Variants in GRM7 observed in about 807,000 individuals in gnomAD.
The protein encoded by GRM7 is glutamate metabotropic receptor 7, also known as metabotropic glutamate receptor 7.
A neutral mutation model predicts 84.5 loss-of-function variants in GRM7; 35 were observed. The observed-to-expected ratio is 0.41, with a 90% CI of 0.32 to 0.55. GRM7 has a LOEUF of 0.55. GRM7 is among the 20% of genes least tolerant of loss of function. The pLI, the probability that GRM7 is intolerant of heterozygous loss-of-function variation, is 0.19. For missense variants in GRM7, 1,003 were observed against 1,194.6 expected, an observed-to-expected ratio of 0.84 and a Z score of 2.36; for synonymous variants, 487 against 455.1, an observed-to-expected ratio of 1.07 and a Z score of -0.89.
chr3:7,209,678 G>A (rs1478728309), intron 2 of GRM7, among the ~76,000 whole-genome samples: 3 of 152,174 alleles, frequency 2.0e-5, no homozygotes, highest in Admixed American at 6.5e-5. Context: ...AAAGGCATAT[G>A]GAAGTCATTG....
At chr3:7,374,219 ATTAG>A (rs1694251559) in intron 4 of GRM7, among the ~76,000 whole-genome samples, 1 of 148,658 alleles carries the variant, frequency 6.7e-6, no homozygotes, top group African/African-American at 2.6e-5. Context: ...CTCTATGACT[ATTAG>A]TTAAACATAT....
chr3:7,342,077 C>T (rs542270036), intron 4 of GRM7, among the ~76,000 whole-genome samples: 3 of 152,246 alleles, frequency 2.0e-5, no homozygotes, highest in South Asian at 4.1e-4. Context: ...CATTCATGTG[C>T]ACCATTCTCT....
At chr3:7,576,319 A>G (rs1192112562) in intron 7 of GRM7, among the ~76,000 whole-genome samples, 1 of 152,230 alleles carries the variant, frequency 6.6e-6, no homozygotes, top group Non-Finnish European at 1.5e-5. Context: ...TGTGCTTTAT[A>G]GTTAGTGATT....
intron 4 of GRM7, among the ~76,000 whole-genome samples, chr3:7,397,707 A>T (rs1695269075): frequency 6.6e-6 from 1 of 152,166 alleles, no homozygotes; most frequent in Non-Finnish European, 1.5e-5. Context: ...ATAACTAAAA[A>T]TTAAAAAGCA....
chr3:7,111,325 C>T (rs1442368191), intron 1 of GRM7, among the ~76,000 whole-genome samples: 2 of 152,204 alleles, frequency 1.3e-5, no homozygotes, highest in East Asian at 1.9e-4. Context: ...GTAGGCATGG[C>T]TAGAGGCCAG....
intron 4 of GRM7, among the ~76,000 whole-genome samples, chr3:7,316,447 C>T (rs960715740): frequency 7.9e-5 from 12 of 151,704 alleles, no homozygotes; most frequent in Non-Finnish European, 2.9e-5. Context: ...ACCACCGCAA[C>T]AAAAAACAAA....
chr3:7,598,301 C>T (rs1320966160), intron 8 of GRM7, among the ~76,000 whole-genome samples: 1 of 152,170 alleles, frequency 6.6e-6, no homozygotes, highest in East Asian at 1.9e-4. Flanking sequence ...CTTTGCTTTG[C>T]AGGAGCAGGG....
chr3:6,908,082 A>G (rs1210409639), intron 1 of GRM7, among the ~76,000 whole-genome samples: 1 of 152,202 alleles, frequency 6.6e-6, no homozygotes, highest in Non-Finnish European at 1.5e-5. Flanking sequence ...TTGTTAAAGA[A>G]GACAAAGAAA....
chr3:6,866,385 C>T (rs567538136), intron 1 of GRM7, among the ~76,000 whole-genome samples: 1 of 148,618 alleles, frequency 6.7e-6, no homozygotes, highest in East Asian at 2.0e-4. Flanking sequence ...AGTCTGTAAT[C>T]TTTTTTGTTT....
Position 7,465,279 on chromosome 3 carries a change from A to C in GRM7, c.1515+3557A>C, listed in dbSNP as rs140241652. 4.0e-3 allele frequency among the ~76,000 whole-genome samples: 604 copies of C among 152,266 alleles called. 4 individuals carry two copies. Among genetic ancestry groups the C allele is most frequent in the Non-Finnish European group, 5.7e-3 (385 of 68,020 alleles). ...CATGGGACCTAAAAGAGCGAATGAC[A>C]ACCATGAAGGGAGTCATTTTTAGGG... On this transcript the variant is annotated intron_variant, in intron 7 of 9. Coordinates refer to ENST00000357716, the MANE Select transcript of GRM7 (RefSeq NM_000844.4).
intron 1 of GRM7, among the ~76,000 whole-genome samples, chr3:6,960,179 C>T (rs1242303726): frequency 6.6e-5 from 10 of 152,176 alleles, no homozygotes; most frequent in Admixed American, 2.6e-4. Flanking sequence ...GGCAATGACT[C>T]AAGCTGAGCC....
intron 1 of GRM7, among the ~76,000 whole-genome samples, chr3:6,875,875 T>G (rs1440196262): frequency 6.6e-6 from 1 of 152,218 alleles, no homozygotes; most frequent in Non-Finnish European, 1.5e-5. Flanking sequence ...TATAATTTTA[T>G]TCATTCTTAC....
At chr3:6,888,535 T>C (rs1378355486) in intron 1 of GRM7, among the ~76,000 whole-genome samples, 1 of 152,164 alleles carries the variant, frequency 6.6e-6, no homozygotes, top group Non-Finnish European at 1.5e-5. Context: ...AAAGATCAGA[T>C]AGCTATAGAT....
intron 1 of GRM7, among the ~76,000 whole-genome samples, chr3:6,995,683 C>A (rs918260498): frequency 6.6e-6 from 1 of 152,054 alleles, no homozygotes; most frequent in Non-Finnish European, 1.5e-5. Context: ...TGAATTGGAA[C>A]AGCTATTTTT....
At chr3:7,504,886 AACC>A in intron 7 of GRM7, among the ~76,000 whole-genome samples, 2 of 152,202 alleles carry the variant, frequency 1.3e-5, no homozygotes. Flanking sequence ...CCACAGTCTT[AACC>A]ATTCCAGTAT....
intron 2 of GRM7, among the ~76,000 whole-genome samples, chr3:7,277,102 T>C (rs529558927): frequency 1.3e-5 from 2 of 152,040 alleles, no homozygotes; most frequent in South Asian, 2.1e-4. Flanking sequence ...GGTTTCAGCA[T>C]GGAAGAATTT....
intron 1 of GRM7, among the ~76,000 whole-genome samples, chr3:6,897,719 AG>A (rs1696236025): frequency 6.6e-6 from 1 of 152,248 alleles, no homozygotes; most frequent in Non-Finnish European, 1.5e-5. Flanking sequence ...GCAGCTTAGA[AG>A]AAATGTATTA....
chr3:7,237,049 A>G (rs979736616), intron 2 of GRM7, among the ~76,000 whole-genome samples: 1 of 152,158 alleles, frequency 6.6e-6, no homozygotes, highest in African/African-American at 2.4e-5. Context: ...GTGCTTGTGT[A>G]TATGTAAACC....
At chr3:7,405,764 T>C (rs1695648655) in intron 4 of GRM7, among the ~76,000 whole-genome samples, 1 of 152,100 alleles carries the variant, frequency 6.6e-6, no homozygotes, top group East Asian at 1.9e-4. Flanking sequence ...TGTGTCTGTG[T>C]TTTGCTTTAT....
Sources: gnomAD v4.1 joint callset for allele counts (sites outside exome capture counted in the v4.1 genomes callset) on GRCh38, gnomAD v4.1.1 for gene constraint, MANE v1.5 for transcripts, NCBI Gene and HGNC (gene_info 2026-07-23, HGNC 2026-07-21) for gene names.